ARHGAP44: variants seen among roughly 807,000 people sequenced by gnomAD.
The protein encoded by ARHGAP44 is Rho GTPase activating protein 44.
A neutral mutation model predicts 106.8 loss-of-function variants in ARHGAP44; 43 were observed. The ratio of observed to expected loss-of-function variants is 0.40; its 90% CI spans 0.32 to 0.52. The LOEUF is 0.52. Among genes scored for constraint, ARHGAP44 ranks in the 20% least tolerant of loss-of-function variants. ARHGAP44 has a pLI of 0.48. For synonymous variants in ARHGAP44, 439 were observed against 410.3 expected, an observed-to-expected ratio of 1.07 and a Z score of -0.85; for missense variants, 866 against 1,050.5, an observed-to-expected ratio of 0.82 and a Z score of 2.43.
chr17:12,886,225 C>T (rs1029612385), intron 1 of ARHGAP44, among the ~76,000 whole-genome samples: 1 of 152,118 alleles, frequency 6.6e-6, no homozygotes, highest in Non-Finnish European at 1.5e-5. Flanking sequence ...ACCGTACTCT[C>T]TTGATTGACT....
At chr17:12,795,378 G>T (rs1426431168) in intron 1 of ARHGAP44, among the ~76,000 whole-genome samples, 1 of 152,196 alleles carries the variant, frequency 6.6e-6, no homozygotes, top group East Asian at 1.9e-4. Context: ...CTGCTGAGCT[G>T]CTGTCAGCAG....
intron 18 of ARHGAP44, among the ~76,000 whole-genome samples, 154 bp from the exon 19 acceptor site, chr17:12,979,904 C>T (rs1377959731): frequency 6.6e-6 from 1 of 152,158 alleles, no homozygotes; most frequent in African/African-American, 2.4e-5. Context: ...CCAAGGGGCA[C>T]CTGCGAAGGT....
At chr17:12,951,163 C>T (rs999044410) in intron 12 of ARHGAP44, among the ~76,000 whole-genome samples, 3 of 152,104 alleles carry the variant, frequency 2.0e-5, no homozygotes, top group Non-Finnish European at 2.9e-5. Context: ...ATAATTACAA[C>T]GTTACCATTT....
At chr17:12,850,199 A>C (rs904820875) in intron 1 of ARHGAP44, among the ~76,000 whole-genome samples, 9 of 152,194 alleles carry the variant, frequency 5.9e-5, no homozygotes, top group African/African-American at 2.2e-4. Flanking sequence ...AGGATGTGAA[A>C]GTGTAGACTG....
At chr17:12,816,894 A>G (rs1597883178) in intron 1 of ARHGAP44, among the ~76,000 whole-genome samples, 1 of 152,164 alleles carries the variant, frequency 6.6e-6, no homozygotes, top group East Asian at 1.9e-4. Context: ...ACTGAACAAC[A>G]CTGTAAACCA....
At chr17:12,805,898 T>G (rs1430767510) in intron 1 of ARHGAP44, among the ~76,000 whole-genome samples, 1 of 152,172 alleles carries the variant, frequency 6.6e-6, no homozygotes, top group Non-Finnish European at 1.5e-5. Context: ...TATTCTGAGT[T>G]GGGAAGAGGG....
At chr17:12,918,774 C>A (rs562794117) in intron 5 of ARHGAP44, among the ~76,000 whole-genome samples, 4 of 152,248 alleles carry the variant, frequency 2.6e-5, no homozygotes, top group African/African-American at 9.6e-5. Flanking sequence ...TCATTTCTCC[C>A]CACTTTTGGC....
At chr17:12,802,925 ATT>A (rs1297172413) in intron 1 of ARHGAP44, among the ~76,000 whole-genome samples, 1 of 27,430 alleles carries the variant, frequency 3.6e-5, no homozygotes, top group Admixed American at 6.8e-4. Context: ...TACCTGGCTA[ATT>A]TATATATATA....
chr17:12,984,975 T>C, intron 20 of ARHGAP44, 67 bp downstream of exon 20: 1 of 1,520,100 alleles, frequency 6.6e-7, no homozygotes, highest in Non-Finnish European at 8.8e-7. Flanking sequence ...AGGGGAGGGA[T>C]TGCTAGTGTT....
chr17:12,894,434 C>T (rs1037454471), intron 1 of ARHGAP44, among the ~76,000 whole-genome samples: 1 of 152,188 alleles, frequency 6.6e-6, no homozygotes, highest in Non-Finnish European at 1.5e-5. Flanking sequence ...CATCCAGGTT[C>T]TTTCTCTAAA....
intron 1 of ARHGAP44, among the ~76,000 whole-genome samples, chr17:12,887,573 C>A (rs549836262): frequency 6.6e-6 from 1 of 152,052 alleles, no homozygotes; most frequent in Non-Finnish European, 1.5e-5. Context: ...ACTTTTACAC[C>A]CATATTCATA....
intron 1 of ARHGAP44, among the ~76,000 whole-genome samples, chr17:12,826,240 T>G (rs2034915875): frequency 6.6e-6 from 1 of 152,130 alleles, no homozygotes; most frequent in Non-Finnish European, 1.5e-5. Context: ...CACCCTTCAC[T>G]CTCTGATTGG....
intron 1 of ARHGAP44, among the ~76,000 whole-genome samples, chr17:12,825,416 TTG>T (rs35243771): frequency 0.22 from 32,569 of 147,758 alleles, 5,176 homozygotes; most frequent in African/African-American, 0.45. Flanking sequence ...AGGAGTGTGT[TTG>T]TGTGTGTGTG....
At chr17:12,892,425 T>C (rs1422426614) in intron 1 of ARHGAP44, among the ~76,000 whole-genome samples, 1 of 152,074 alleles carries the variant, frequency 6.6e-6, no homozygotes, top group Non-Finnish European at 1.5e-5. Context: ...GATTTCTTTA[T>C]GTTTATCCTC....
intron 1 of ARHGAP44, among the ~76,000 whole-genome samples, chr17:12,858,678 A>C (rs150395834): frequency 6.6e-6 from 1 of 152,184 alleles, no homozygotes; most frequent in Admixed American, 6.5e-5. Flanking sequence ...ATGTGAGCTT[A>C]TTTGGAAACA....
chr17:12,986,432 A>G (rs1478401678), intron 20 of ARHGAP44: 2 of 152,232 alleles, frequency 1.3e-5, no homozygotes, highest in African/African-American at 4.8e-5. Context: ...ACCCCAGGGA[A>G]GGGACACAAG....
At chr17:12,935,172 A>G (rs2038509413) in intron 7 of ARHGAP44, among the ~76,000 whole-genome samples, 1 of 152,198 alleles carries the variant, frequency 6.6e-6, no homozygotes, top group African/African-American at 2.4e-5. Flanking sequence ...TTACTTTTCT[A>G]TGTTGAAGAT....
chr17:12,829,788 A>G (rs987682304), intron 1 of ARHGAP44, among the ~76,000 whole-genome samples: 3 of 152,102 alleles, frequency 2.0e-5, no homozygotes, highest in Admixed American at 2.0e-4. Flanking sequence ...TGACCACTCT[A>G]TTTAAAATCG....
intron 1 of ARHGAP44, among the ~76,000 whole-genome samples, chr17:12,813,754 G>T (rs1042881754): frequency 2.0e-5 from 3 of 151,928 alleles, no homozygotes; most frequent in African/African-American, 7.3e-5. Context: ...GTGGTGGGAG[G>T]CATGTTTATG....
Sources: allele counts gnomAD v4.1 joint callset (sites outside exome capture counted in the v4.1 genomes callset), GRCh38; gene constraint gnomAD v4.1.1; transcripts MANE v1.5; gene names NCBI Gene and HGNC (gene_info 2026-07-23, HGNC 2026-07-21).